The following DOCK8 variants were observed in gnomAD, a reference collection of about 807,000 sequenced individuals.
DOCK8 encodes the protein dedicator of cytokinesis 8.
In DOCK8, 141 loss-of-function variants were observed where a neutral mutation model predicts 245.6. That is an observed-to-expected ratio of 0.57 (90% confidence interval 0.50 to 0.66). The LOEUF is 0.66. Among genes scored for constraint, DOCK8 ranks in the 30% least tolerant of loss-of-function variants. The pLI, the probability that DOCK8 is intolerant of heterozygous loss-of-function variation, is 0.00. For missense variants in DOCK8, 2,965 were observed against 2,603.4 expected, an observed-to-expected ratio of 1.14 and a Z score of -3.02; for synonymous variants, 1,168 against 970.2, an observed-to-expected ratio of 1.20 and a Z score of -3.79.
At position 386,478 on chromosome 9, in the gene DOCK8, T is replaced by A. The variant is rs2053959846; in HGVS notation, c.2874+52T>A. The A allele has an allele frequency of 6.6e-6, 10 of 1,510,066 alleles. No individual in the cohort carries two copies. The East Asian group carries it at 2.3e-4, about 34-fold the overall frequency. 93.5% of individuals were successfully genotyped at this position (1,510,066 alleles called of 1,614,324 possible). A position where few individuals can be genotyped will look rare whatever the true frequency, so the allele number is the denominator to read the frequency against. On this transcript the variant is annotated intron_variant, in intron 23 of 47. Coordinates refer to ENST00000432829, the MANE Select transcript of DOCK8 (RefSeq NM_203447.4). ...ATCCCAGGATAAGAACAGAAGGATT[T>A]CCTCATGCCCTCACACTGTGCTTGG... is the stretch of plus-strand genomic sequence containing the variant.
At chr9:396,184 C>G (rs917860697) in intron 24 of DOCK8, among the ~76,000 whole-genome samples, 1 of 152,100 alleles carries the variant, frequency 6.6e-6, no homozygotes, top group African/African-American at 2.4e-5. Flanking sequence ...GGTTCTGTTT[C>G]CAGCTGGCCA....
Position 449,030 on chromosome 9 carries a change from T to C in DOCK8, c.5818-754T>C, listed in dbSNP as rs145203856. ...GGGAGAAAATCTTGAGTGCTGTGCT[T>C]CTACTACAGCTTTCTGCATTGTAAG... On this transcript the variant is annotated intron_variant, in intron 44 of 47. Coordinates refer to ENST00000432829, the MANE Select transcript of DOCK8 (RefSeq NM_203447.4). 2.6e-3 allele frequency among the ~76,000 whole-genome samples: 394 copies of C among 152,342 alleles called. 1 individual carries two copies. The highest frequency in any genetic ancestry group is 8.8e-3 in the African/African-American group (365 of 41,574).
chr9:356,305 G>T (rs2052441597), intron 14 of DOCK8, among the ~76,000 whole-genome samples: 2 of 152,122 alleles, frequency 1.3e-5, no homozygotes, highest in Non-Finnish European at 1.5e-5. Context: ...GAGGCGGGCG[G>T]ATCACGAGGT....
At chr9:303,840 T>G (rs904993157) in intron 4 of DOCK8, among the ~76,000 whole-genome samples, 6 of 152,320 alleles carry the variant, frequency 3.9e-5, no homozygotes, top group Admixed American at 3.3e-4. Context: ...GTATCCTCAA[T>G]AAAAATAAAA....
At chr9:400,092 C>T (rs865775841) in intron 26 of DOCK8, among the ~76,000 whole-genome samples, 69 of 96,266 alleles carry the variant, frequency 7.2e-4, no homozygotes, top group African/African-American at 2.8e-3. Flanking sequence ...CCACCTCCAC[C>T]ATCACCACCA....
chr9:393,919 G>GTACA (rs1190015250), intron 24 of DOCK8, among the ~76,000 whole-genome samples: 5 of 152,174 alleles, frequency 3.3e-5, no homozygotes, highest in Admixed American at 6.5e-5. Flanking sequence ...AGCCCCCAGG[G>GTACA]TACAGCAGCT....
chr9:264,216 A>T (rs1326304975), intron 1 of DOCK8, among the ~76,000 whole-genome samples: 3 of 152,248 alleles, frequency 2.0e-5, no homozygotes, highest in Non-Finnish European at 2.9e-5. Flanking sequence ...AACTTATATG[A>T]TGACATATAA....
intron 14 of DOCK8, among the ~76,000 whole-genome samples, chr9:351,971 A>G (rs1474390422): frequency 6.6e-6 from 1 of 152,260 alleles, no homozygotes; most frequent in African/African-American, 2.4e-5. Context: ...TTCTCTAGAC[A>G]TGTCAGTACC....
In DOCK8 at chr9:400,060, TCCTTCACCATCACCATCACCACCA is replaced by T. The variant is rs2054722447; in HGVS notation, c.3234+805_3234+828del. On this transcript the variant is annotated intron_variant, in intron 26 of 47. Transcript: ENST00000432829. ...CACCACCACCTCCACCATCACCACC[TCCTTCACCATCACCATCACCACCA>T]CCTCCACCATCACCACCACCACCTC... Among the ~76,000 whole-genome samples the T allele has an allele frequency of 6.4e-5, 2 of 31,490 alleles. 1 individual carries two copies. Among genetic ancestry groups the T allele is most frequent in the African/African-American group, 3.5e-4 (2 of 5,712 alleles). The allele number at this position is 31,490 out of a possible 152,430, so 20.7% of individuals were successfully genotyped here.
At chr9:257,394 G>T (rs1352174454) in intron 1 of DOCK8, among the ~76,000 whole-genome samples, 1 of 152,182 alleles carries the variant, frequency 6.6e-6, no homozygotes, top group African/African-American at 2.4e-5. Flanking sequence ...TGGTGAAAGG[G>T]CAAGAGAAGG....
At chr9:235,216 T>C (rs2047216758) in intron 1 of DOCK8, among the ~76,000 whole-genome samples, 1 of 152,158 alleles carries the variant, frequency 6.6e-6, no homozygotes, top group Admixed American at 6.5e-5. Context: ...GCAGTGGATA[T>C]TGGTGAACCG....
chr9:463,255 T>G (rs551561693), intron 46 of DOCK8, among the ~76,000 whole-genome samples: 1 of 134,492 alleles, frequency 7.4e-6, no homozygotes, highest in African/African-American at 2.6e-5. Context: ...GAGCCCCGTC[T>G]CAAAAAATAA....
chr9:333,405 T>C (rs148554649), intron 10 of DOCK8, among the ~76,000 whole-genome samples: 9 of 152,114 alleles, frequency 5.9e-5, no homozygotes, highest in East Asian at 1.9e-4. Flanking sequence ...ATTGAGACCA[T>C]CCTGGCCAAC....
chr9:416,508 C>T (rs557847168), intron 29 of DOCK8, among the ~76,000 whole-genome samples: 1 of 152,078 alleles, frequency 6.6e-6, no homozygotes, highest in Non-Finnish European at 1.5e-5. Context: ...TTTGTATATG[C>T]GTTGAACTTT....
At chr9:247,982 T>TAA (rs61282524) in intron 1 of DOCK8, among the ~76,000 whole-genome samples, 392 of 145,050 alleles carry the variant, frequency 2.7e-3, no homozygotes, top group African/African-American at 7.0e-3. Flanking sequence ...TTCTCTAAGT[T>TAA]AAAAAAAAAA....
At chr9:221,554 G>C (rs971560522) in intron 1 of DOCK8, among the ~76,000 whole-genome samples, 4 of 152,082 alleles carry the variant, frequency 2.6e-5, no homozygotes, top group African/African-American at 4.8e-5. Context: ...GCTCATGCCT[G>C]TAATCCCAGC....
chr9:403,952 A>C (rs1368046434), intron 26 of DOCK8, among the ~76,000 whole-genome samples: 17 of 78,608 alleles, frequency 2.2e-4, no homozygotes, highest in African/African-American at 8.3e-4. Context: ...ATGTGTATAT[A>C]TATATATGTA....
intron 1 of DOCK8, among the ~76,000 whole-genome samples, chr9:243,535 G>T (rs1162483413): frequency 6.6e-6 from 1 of 152,138 alleles, no homozygotes; most frequent in Non-Finnish European, 1.5e-5. Flanking sequence ...GAAGAAGAAA[G>T]ATCAGATTAG....
At chr9:230,871 A>T (rs1481283714) in intron 1 of DOCK8, among the ~76,000 whole-genome samples, 2 of 152,020 alleles carry the variant, frequency 1.3e-5, no homozygotes, top group African/African-American at 4.8e-5. Context: ...CTCTGATGGT[A>T]GTTTCTTTTG....
Sources: allele counts gnomAD v4.1 joint callset (sites outside exome capture counted in the v4.1 genomes callset), GRCh38; gene constraint gnomAD v4.1.1; transcripts MANE v1.5; gene names NCBI Gene and HGNC (gene_info 2026-07-23, HGNC 2026-07-21).